The following ABCB1 variants were observed in gnomAD, a reference collection of about 807,000 sequenced individuals.
ABCB1 encodes ATP-dependent translocase ABCB1.
ABCB1 carries 69 observed loss-of-function variants against 142.0 expected under a neutral mutation model. The observed-to-expected ratio is 0.49, with a 90% CI of 0.40 to 0.59. ABCB1 has a LOEUF of 0.59. Ranked by LOEUF, ABCB1 falls within the 20% of genes least tolerant of loss-of-function variation. The pLI is 0.00. For missense variants in ABCB1, 1,326 were observed against 1,554.7 expected, an observed-to-expected ratio of 0.85 and a Z score of 2.47; for synonymous variants, 532 against 539.2, an observed-to-expected ratio of 0.99 and a Z score of 0.18.
At chr7:87,507,602 T>C (rs933535783) in intron 26 of ABCB1, among the ~76,000 whole-genome samples, 3 of 152,106 alleles carry the variant, frequency 2.0e-5, no homozygotes. Flanking sequence ...ATGAGATTGG[T>C]GTCAGCAGTT....
chr7:87,598,444 C>T (rs747068542), intron 2 of ABCB1, among the ~76,000 whole-genome samples: 2 of 152,128 alleles, frequency 1.3e-5, no homozygotes, highest in Non-Finnish European at 2.9e-5. Context: ...TCTGATCACT[C>T]GGTTAAGGTG....
chr7:87,532,215 T>A (rs1816086520), intron 20 of ABCB1, among the ~76,000 whole-genome samples: 1 of 152,106 alleles, frequency 6.6e-6, no homozygotes. Context: ...CCAGCACATC[T>A]CCTCTACCCT....
rs535359624 is a variant in ABCB1, at chr7:87,642,326, G to T, written c.-330-41248C>A. ...TAAACCATGAAGACTATATGTTATG[G>T]TTTTTTTCTGTTCTTCACGTTGTTC... On this transcript the variant is annotated intron_variant, in intron 1 of 28. Coordinates refer to the ABCB1 transcript ENST00000265724. 7.2e-5 allele frequency among the ~76,000 whole-genome samples: 11 copies of T among 152,028 alleles called. No homozygotes were observed. The East Asian group carries it at 1.4e-3, about 19-fold the overall frequency.
chr7:87,524,093 A>C (rs1815667356), intron 21 of ABCB1, among the ~76,000 whole-genome samples: 1 of 152,158 alleles, frequency 6.6e-6, no homozygotes, highest in East Asian at 1.9e-4. Context: ...CCTAACTTCA[A>C]ACATAACAGC....
Position 87,546,025 on chromosome 7 carries a change from C to G in ABCB1, c.1726-1G>C. ...CAATGGTGGTCCGACCTTTTCTGGC[C>G]TAAAGAGAGAGAAATTTGGTTTTTG... On this transcript the variant is annotated splice_acceptor_variant, in intron 14 of 27. Transcript: ENST00000622132. LOFTEE classifies it high-confidence loss of function. The G allele has an allele frequency of 6.2e-7, 1 of 1,614,008 alleles. No individual in the cohort carries two copies.
intron 1 of ABCB1, among the ~76,000 whole-genome samples, chr7:87,666,270 G>A (rs1825238365): frequency 6.6e-6 from 1 of 151,966 alleles, no homozygotes; most frequent in Non-Finnish European, 1.5e-5. Flanking sequence ...ATATGCTTGT[G>A]GGCCGTGTGT....
At chr7:87,655,508 TC>T (rs1259076916) in intron 1 of ABCB1, among the ~76,000 whole-genome samples, 6 of 152,092 alleles carry the variant, frequency 3.9e-5, no homozygotes, top group Non-Finnish European at 8.8e-5. Context: ...ATACATGGCA[TC>T]TAAAAAAGTT....
rs577275244 is a variant in ABCB1, at chr7:87,646,222, C to G, written c.-330-45144G>C. 1.6e-4 allele frequency among the ~76,000 whole-genome samples: 25 copies of G among 152,264 alleles called. No homozygotes were observed. In the South Asian group the frequency reaches 5.0e-3, roughly 30 times the overall value. ...GAAAAATATTTGTGCATTTTGTTGA[C>G]TACTGATTGATCCATATAGGTCTCT... On this transcript the variant is annotated intron_variant, in intron 1 of 28. Transcript: ENST00000265724.
At chr7:87,607,300 G>T (rs1431469016) in intron 1 of ABCB1, among the ~76,000 whole-genome samples, 4 of 152,094 alleles carry the variant, frequency 2.6e-5, no homozygotes, top group Non-Finnish European at 5.9e-5. Context: ...TAATACAGAA[G>T]AGAGAAGTCC....
intron 1 of ABCB1, among the ~76,000 whole-genome samples, chr7:87,609,201 A>G (rs28381784): frequency 0.032 from 4,914 of 152,276 alleles, 118 homozygotes; most frequent in Middle Eastern, 0.065. Flanking sequence ...TAAGTAGGAT[A>G]GTCAGGGCAG....
chr7:87,706,164 C>A lies in ABCB1; in HGVS notation c.-331+6997G>T, dbSNP rs139961439. Among the ~76,000 whole-genome samples, 114 of 152,324 alleles carry A rather than the reference C, an allele frequency of 7.5e-4. 1 individual carries two copies. Among genetic ancestry groups the A allele is most frequent in the African/African-American group, 2.6e-3 (110 of 41,576 alleles). ...ATCAGCCATCCACATATCCATGCAT[C>A]TTTCCATCCAATAAATTTGCTGTGC... On this transcript the variant is annotated intron_variant, in intron 1 of 28. Coordinates refer to the ABCB1 transcript ENST00000265724.
chr7:87,659,235 C>T (rs982375886), intron 1 of ABCB1: 4 of 422,256 alleles, frequency 9.5e-6, no homozygotes, highest in African/African-American at 8.3e-5. Flanking sequence ...TGGGTAAATA[C>T]ATTAGGCTTT....
Position 87,679,947 on chromosome 7 carries a change from T to C in ABCB1, c.-331+33214A>G, listed in dbSNP as rs926572143. Among the ~76,000 whole-genome samples, 7 of 150,558 alleles carry C rather than the reference T, an allele frequency of 4.6e-5. 1 individual carries two copies. Among genetic ancestry groups the C allele is most frequent in the Admixed American group, 4.6e-4 (7 of 15,102 alleles). On this transcript the variant is annotated intron_variant, in intron 1 of 28. Transcript: ENST00000265724. ...ACACTTTTTTAAACAAATTATACTTTACATGTGCCATGGTGGTTTGCTGCA... is the reference window on the plus strand; with the variant it reads ...ACACTTTTTTAAACAAATTATACTTCACATGTGCCATGGTGGTTTGCTGCA...
In ABCB1 at chr7:87,519,316, C is replaced by T; in HGVS notation, c.2927+10G>A. On this transcript the variant is annotated intron_variant, in intron 23 of 27. Coordinates refer to ENST00000622132, the MANE Select transcript of ABCB1 (RefSeq NM_001348946.2). ...TTTAGAGCTTAACTAAATAATAGCC[C>T]AATACTTACAACAGAACATCCTCAA... is the stretch of plus-strand genomic sequence containing the variant. 1.2e-6 allele frequency: 2 copies of T among 1,613,234 alleles called. No individual in the cohort carries two copies. The highest frequency in any genetic ancestry group is 8.5e-7 in the Non-Finnish European group (1 of 1,179,340).
chr7:87,566,971 G>A lies in ABCB1; in HGVS notation c.344C>T (p.Ala115Val). 1 of 1,613,952 alleles carries A rather than the reference G, an allele frequency of 6.2e-7. No individual in the cohort carries two copies. Among genetic ancestry groups the A allele is most frequent in the East Asian group, 2.2e-5 (1 of 44,886 alleles). Reference sequence around the variant, plus strand: ...AGCACCAATTCCACTGTAATAATAGGCATACCTGAAAAACAACAAGAACAC... The same window carrying A: ...AGCACCAATTCCACTGTAATAATAGACATACCTGAAAAACAACAAGAACAC... ...MNLEEDMTRY[A>V]YYYSGIGAGV... Residue 115 changes from alanine to valine, a missense_variant, in exon 6 of 28, where the codon GCC becomes GTC. Coordinates refer to ENST00000622132, the MANE Select transcript of ABCB1 (RefSeq NM_001348946.2).
chr7:87,532,811 T>C (rs1317360979), intron 20 of ABCB1, among the ~76,000 whole-genome samples: 1 of 152,174 alleles, frequency 6.6e-6, no homozygotes, highest in Non-Finnish European at 1.5e-5. Flanking sequence ...TCGCCTTGAA[T>C]TCTTTCTTGT....
rs560444146 is a variant in ABCB1, at chr7:87,634,497, G to C, written c.-330-33419C>G. Among the ~76,000 whole-genome samples the C allele has an allele frequency of 2.2e-4, 29 of 130,650 alleles. 1 individual carries two copies. The highest frequency in any genetic ancestry group is 7.9e-4 in the African/African-American group (28 of 35,400). 85.7% of individuals were successfully genotyped at this position (130,650 alleles called of 152,430 possible). A position where few individuals can be genotyped will look rare whatever the true frequency, so the allele number is the denominator to read the frequency against. ...AGTCAGGCGTGGTGGTGGGGGGTGGGGGGGGGGGCACCTGTAATTCCAGCG... is the reference window on the plus strand; with the variant it reads ...AGTCAGGCGTGGTGGTGGGGGGTGGCGGGGGGGGCACCTGTAATTCCAGCG... On this transcript the variant is annotated intron_variant, in intron 1 of 28. Transcript: ENST00000265724.
intron 1 of ABCB1, among the ~76,000 whole-genome samples, chr7:87,626,033 G>T (rs1022122357): frequency 7.6e-5 from 11 of 145,174 alleles, no homozygotes; most frequent in African/African-American, 2.0e-4. Context: ...TAGAGAGAGA[G>T]AGAGAGAGAG....
At chr7:87,614,994 G>T (rs1227564385) in intron 1 of ABCB1, among the ~76,000 whole-genome samples, 1 of 151,872 alleles carries the variant, frequency 6.6e-6, no homozygotes, top group Non-Finnish European at 1.5e-5. Context: ...AGAGGTGCCC[G>T]CCACCATGTC....
Sources: gnomAD v4.1 joint callset for allele counts (sites outside exome capture counted in the v4.1 genomes callset) on GRCh38, gnomAD v4.1.1 for gene constraint, MANE v1.5 for transcripts, NCBI Gene and HGNC (gene_info 2026-07-23, HGNC 2026-07-21) for gene names.